The following PKD1L3 variants were observed in gnomAD, a reference collection of about 807,000 sequenced individuals.
PKD1L3 encodes polycystin 1 like 3, transient receptor potential channel interacting, also known as polycystin-1-like protein 3.
PKD1L3 carries 239 observed loss-of-function variants against 184.1 expected under a neutral mutation model. The ratio of observed to expected loss-of-function variants is 1.30; its 90% CI spans 1.17 to 1.45. The LOEUF is 1.45. PKD1L3 is among the 40% of genes most tolerant of loss of function. PKD1L3 has a pLI of 0.00. For missense variants in PKD1L3, 2,660 were observed against 2,067.2 expected (o/e 1.29, Z -5.56); for synonymous variants, 996 against 778.8 (o/e 1.28, Z -4.64).
chr16:71,988,911 C>A (rs1413807093), intron 4 of PKD1L3, among the ~76,000 whole-genome samples: 1 of 152,140 alleles, frequency 6.6e-6, no homozygotes, highest in African/African-American at 2.4e-5. Flanking sequence ...AAGTCCTGTG[C>A]AGAATTCTCC....
At chr16:71,984,632 G>A (rs969713235) in intron 5 of PKD1L3, among the ~76,000 whole-genome samples, 1 of 152,218 alleles carries the variant, frequency 6.6e-6, no homozygotes, top group Non-Finnish European at 1.5e-5. Context: ...GCTAAGGCAG[G>A]CAGATCACTT....
chr16:71,956,796 A>G (rs1338755829), intron 16 of PKD1L3, among the ~76,000 whole-genome samples: 2 of 152,238 alleles, frequency 1.3e-5, no homozygotes, highest in African/African-American at 4.8e-5. Context: ...AAAAATGGTG[A>G]AGATGGTAAA....
Position 71,951,658 on chromosome 16 carries a change from G to A in PKD1L3, c.3096C>T (p.Asp1032=). 1.3e-6 allele frequency: 2 copies of A among 1,551,696 alleles called. No homozygotes were observed. Among genetic ancestry groups the A allele is most frequent in the African/African-American group, 1.4e-5 (1 of 73,164 alleles). ...ATAAAAGTTTCACCAGCTTAGTAAT[G>A]TCCCAAGAACTCCATGGCGGCTGCT... ...KCEQPPWSSW[D]ITKLVKLLSS... is the part of the protein sequence containing the mutation. The change falls in exon 19 of 30, where the codon GAC becomes GAT. Residue 1032 remains aspartate (D), a synonymous_variant. Transcript: ENST00000620267.
chr16:71,933,671 A>C, intron 27 of PKD1L3, 150 bp from the exon 28 acceptor site: 1 of 737,368 alleles, frequency 1.4e-6, no homozygotes. Context: ...TTCCTTTGTA[A>C]TAACATAGTG....
chr16:71,938,295 C>A (rs952098210), intron 24 of PKD1L3, among the ~76,000 whole-genome samples: 1 of 152,256 alleles, frequency 6.6e-6, no homozygotes, highest in African/African-American at 2.4e-5. Context: ...CCTACTGCCT[C>A]GGCCTTCTCC....
At position 71,930,085 on chromosome 16, in the gene PKD1L3, G is replaced by T; in HGVS notation, c.5025C>A (p.Leu1675=). Residue 1675 remains leucine, a synonymous_variant, in exon 29 of 30, where the codon CTC becomes CTA. Coordinates refer to ENST00000620267, the MANE Select transcript of PKD1L3 (RefSeq NM_181536.2). ...VVINLFVSAI[L]MAFGKERKSL... ...ACTTTCTTTCTTTTCCAAAGGCCATGAGAATGGCCGAAACGAAAAGATTAA... is the reference window on the plus strand; with the variant it reads ...ACTTTCTTTCTTTTCCAAAGGCCATTAGAATGGCCGAAACGAAAAGATTAA... 1 of 1,551,486 alleles carries T rather than the reference G, an allele frequency of 6.4e-7. No homozygotes were observed. Among genetic ancestry groups the T allele is most frequent in the Non-Finnish European group, 8.7e-7 (1 of 1,146,884 alleles).
At chr16:71,951,320 G>A (rs921060403) in intron 19 of PKD1L3, among the ~76,000 whole-genome samples, 6 of 152,208 alleles carry the variant, frequency 3.9e-5, no homozygotes, top group South Asian at 2.1e-4. Flanking sequence ...GATTACAGGC[G>A]TGACCCACAT....
chr16:71,950,132 C>T lies in PKD1L3; in HGVS notation c.3369G>A (p.Glu1123=). The stretch of plus-strand genomic sequence containing the variant: ...TGGTGCATTACCTGGATGGCTCTTG[C>T]TCCGTGGGAAGAATATGTGTTTCCA... ...ELLETHILPT[E]QEPSREVTSF... The change falls in exon 20 of 30, where the codon GAG becomes GAA. Residue 1123 remains glutamate (E), a synonymous_variant. Transcript: ENST00000620267. 1.9e-6 allele frequency: 3 copies of T among 1,551,830 alleles called. No individual in the cohort carries two copies. The highest frequency in any genetic ancestry group is 2.6e-6 in the Non-Finnish European group (3 of 1,146,962).
chr16:71,970,767 C>G (rs974536631), intron 12 of PKD1L3, among the ~76,000 whole-genome samples: 9 of 152,096 alleles, frequency 5.9e-5, no homozygotes, highest in African/African-American at 1.9e-4. Flanking sequence ...CAGATCACAC[C>G]ACTGCATTCC....
intron 21 of PKD1L3, among the ~76,000 whole-genome samples, chr16:71,948,340 C>T (rs2038699103): frequency 6.6e-6 from 1 of 152,188 alleles, no homozygotes; most frequent in African/African-American, 2.4e-5. Flanking sequence ...GCCTCGGCCT[C>T]CCAAAGTGCT....
chr16:71,944,036 T>C lies in PKD1L3; in HGVS notation c.3853A>G (p.Ile1285Val). The C allele has an allele frequency of 6.4e-7, 1 of 1,551,360 alleles. No individual in the cohort carries two copies. Among genetic ancestry groups the C allele is most frequent in the Non-Finnish European group, 8.7e-7 (1 of 1,146,918 alleles). ...KKKLFKLTGD[I>V]LVQILFLTLL... ...TGCCATTTCCTCTCCATACCCAAAA[T>C]ATCTCCAGTCAGCTTGAAGAGTTTC... Residue 1285 changes from isoleucine to valine, a missense_variant, in exon 23 of 30, where the codon ATT becomes GTT. Coordinates refer to ENST00000620267, the MANE Select transcript of PKD1L3 (RefSeq NM_181536.2).
chr16:71,982,027 C>T (rs2040178964), intron 7 of PKD1L3, 32 bp downstream of exon 7: 1 of 1,504,630 alleles, frequency 6.6e-7, no homozygotes, highest in Non-Finnish European at 8.9e-7. Flanking sequence ...TGCTTCTAAG[C>T]AGATCTGGCC....
At chr16:71,958,465 AGC>A (rs2039135546) in intron 16 of PKD1L3, among the ~76,000 whole-genome samples, 22 of 151,864 alleles carry the variant, frequency 1.4e-4, no homozygotes, top group Admixed American at 9.9e-4. Flanking sequence ...AGGAGAAAAA[AGC>A]CCAGAGTAAT....
At chr16:71,935,564 C>A in intron 25 of PKD1L3, 46 bp from the exon 26 acceptor site, 1 of 1,524,168 alleles carries the variant, frequency 6.6e-7, no homozygotes, top group Non-Finnish European at 8.9e-7. Flanking sequence ...GAGAGATTAG[C>A]TAGGTCTCTC....
rs1455392305 is a variant in PKD1L3 at position 71,963,276 on chromosome 16, A to G, written c.2541T>C (p.Ala847=). The stretch of plus-strand genomic sequence containing the variant: ...CAAGCTCACAGTCTCCGAGGTCCAC[A>G]GCCAGCCAGCAATTGCACAGGAAAT... The part of the protein sequence containing the change: ...KWHFLCNCWL[A]VDLGDCELDR... Residue 847 remains alanine, a synonymous_variant, in exon 16 of 30, where the codon GCT becomes GCC. Transcript: ENST00000620267. 6.4e-7 allele frequency: 1 copy of G among 1,551,624 alleles called. No homozygotes were observed. Among genetic ancestry groups the G allele is most frequent in the African/African-American group, 1.4e-5 (1 of 73,180 alleles).
intron 15 of PKD1L3, among the ~76,000 whole-genome samples, chr16:71,965,779 C>T (rs1206739158): frequency 6.6e-6 from 1 of 152,036 alleles, no homozygotes; most frequent in Non-Finnish European, 1.5e-5. Flanking sequence ...GTCTCAAACT[C>T]CTGACCTCAA....
chr16:71,967,817 G>T, intron 14 of PKD1L3, 89 bp downstream of exon 14: 1 of 1,057,704 alleles, frequency 9.5e-7, no homozygotes, highest in Non-Finnish European at 1.4e-6. Context: ...CTTTTAAAGT[G>T]CTATTGGTTG....
Position 71,978,370 on chromosome 16 carries a change from G to C in PKD1L3, c.1412C>G (p.Ala471Gly). ...PGVNVQITGLAFNPFKDLDNR... is the reference protein window; with the variant it reads ...PGVNVQITGLGFNPFKDLDNR... ...GTCCAAATCCTTGAAGGGATTGAAA[G>C]CTAGTCCTGTTATCTAAAGACAAAG... The change falls in exon 10 of 30, where the codon GCT (alanine) becomes GGT (glycine). Residue 471 changes from alanine (A) to glycine (G), a missense_variant. Coordinates refer to ENST00000620267, the MANE Select transcript of PKD1L3 (RefSeq NM_181536.2). 6.5e-7 allele frequency: 1 copy of C among 1,549,118 alleles called. No homozygotes were observed. Among genetic ancestry groups the C allele is most frequent in the Non-Finnish European group, 8.7e-7 (1 of 1,145,446 alleles).
At chr16:71,950,524 A>G (rs1213013960) in intron 19 of PKD1L3, among the ~76,000 whole-genome samples, 3 of 152,130 alleles carry the variant, frequency 2.0e-5, no homozygotes, top group African/African-American at 7.2e-5. Flanking sequence ...TGATCTAAAG[A>G]CTTTTAAAAC....
Sources: allele counts gnomAD v4.1 joint callset (sites outside exome capture counted in the v4.1 genomes callset), GRCh38; gene constraint gnomAD v4.1.1; transcripts MANE v1.5; gene names NCBI Gene and HGNC (gene_info 2026-07-23, HGNC 2026-07-21).